NAV2: variants seen among roughly 807,000 people sequenced by gnomAD.
NAV2 encodes the protein neuron navigator 2.
In NAV2, 54 loss-of-function variants were observed where a neutral mutation model predicts 223.2. The observed-to-expected ratio is 0.24, with a 90% CI of 0.19 to 0.30. The LOEUF is 0.30. Among genes scored for constraint, NAV2 ranks in the 10% least tolerant of loss-of-function variants. The pLI is 1.00. For synonymous variants in NAV2, 1,279 were observed against 1,239.3 expected (o/e 1.03, Z -0.67); for missense variants, 2,806 against 3,147.5 (o/e 0.89, Z 2.60).
chr11:20,064,655 C>T (rs543037601), intron 20 of NAV2, among the ~76,000 whole-genome samples: 53 of 152,252 alleles, frequency 3.5e-4, no homozygotes, highest in African/African-American at 1.2e-3. Flanking sequence ...CAGTAAAAGA[C>T]TCTCCTTCAG....
chr11:19,610,139 G>A (rs1409619201), intron 1 of NAV2, among the ~76,000 whole-genome samples: 2 of 152,188 alleles, frequency 1.3e-5, no homozygotes, highest in African/African-American at 4.8e-5. Context: ...AGGCTCATGG[G>A]TGGGGGTGAC....
chr11:19,388,706 A>G (rs573798592), intron 1 of NAV2, among the ~76,000 whole-genome samples: 9 of 152,278 alleles, frequency 5.9e-5, no homozygotes, highest in African/African-American at 2.2e-4. Context: ...TACGCTGGGC[A>G]AGATAATATC....
At chr11:19,798,303 C>T (rs971202950) in intron 1 of NAV2, among the ~76,000 whole-genome samples, 5 of 152,172 alleles carry the variant, frequency 3.3e-5, no homozygotes, top group Middle Eastern at 3.2e-3. Flanking sequence ...ACTGCTTGAC[C>T]GCTCCAACTT....
intron 10 of NAV2, among the ~76,000 whole-genome samples, chr11:19,949,835 G>A (rs2047239280): frequency 6.6e-6 from 1 of 152,176 alleles, no homozygotes; most frequent in Admixed American, 6.5e-5. Context: ...GTGTATAATA[G>A]GAGCTCATAA....
intron 1 of NAV2, among the ~76,000 whole-genome samples, chr11:19,566,242 T>TG (rs1262607076): frequency 2.6e-5 from 4 of 151,794 alleles, no homozygotes; most frequent in African/African-American, 4.8e-5. Flanking sequence ...GGCTAATTTT[T>TG]TTTGTTGTTG....
intron 36 of NAV2, among the ~76,000 whole-genome samples, chr11:20,112,354 G>A (rs530636275): frequency 6.6e-6 from 1 of 152,206 alleles, no homozygotes; most frequent in Non-Finnish European, 1.5e-5. Context: ...GACTGGGCCA[G>A]AGCGCAGGAC....
chr11:19,799,885 T>C (rs1408184860), intron 1 of NAV2, among the ~76,000 whole-genome samples: 1 of 152,154 alleles, frequency 6.6e-6, no homozygotes, highest in Non-Finnish European at 1.5e-5. Flanking sequence ...CTACTTTATA[T>C]GGACTTAAGT....
intron 1 of NAV2, among the ~76,000 whole-genome samples, chr11:19,379,253 C>T (rs543606623): frequency 3.3e-5 from 5 of 152,006 alleles, no homozygotes; most frequent in Admixed American, 6.6e-5. Flanking sequence ...ACACTGAGGC[C>T]CTGGTGACTG....
chr11:19,713,355 C>T lies in NAV2; in HGVS notation c.-341C>T. On this transcript the variant is annotated 5_prime_UTR_variant, in exon 1 of 38. Coordinates refer to ENST00000349880, the MANE Select transcript of NAV2 (RefSeq NM_145117.5). This position sits in a 1 kb window ranked among gnomAD's most constrained non-coding sequence, Gnocchi z 7.2. ...GACAAGTTAATATGGGCGTCCAAGC[C>T]TCTGTTTCCCAGGAGGAAATTTGCA... The T allele has an allele frequency of 8.7e-7, 1 of 1,144,572 alleles. No homozygotes were observed. The highest frequency in any genetic ancestry group is 1.1e-6 in the Non-Finnish European group (1 of 933,516). The allele number at this position is 1,144,572 out of a possible 1,614,324, so 70.9% of individuals were successfully genotyped here.
chr11:19,915,484 T>A (rs1223080660), intron 6 of NAV2, among the ~76,000 whole-genome samples: 5 of 152,248 alleles, frequency 3.3e-5, no homozygotes, highest in African/African-American at 4.8e-5. Flanking sequence ...GCTTCTGCCA[T>A]ATCCAATAGT....
chr11:19,944,122 A>G (rs112944527), intron 8 of NAV2, among the ~76,000 whole-genome samples: 3 of 152,202 alleles, frequency 2.0e-5, no homozygotes, highest in Admixed American at 6.5e-5. Context: ...AATCGCTTCA[A>G]CTGAGGAGGT....
chr11:19,379,085 G>A (rs558161041), intron 1 of NAV2, among the ~76,000 whole-genome samples: 33 of 152,192 alleles, frequency 2.2e-4, no homozygotes, highest in Non-Finnish European at 4.0e-4. Context: ...TGCTGCCAAA[G>A]CTGAGTCTTG....
intron 1 of NAV2, among the ~76,000 whole-genome samples, chr11:19,516,536 T>A (rs977995964): frequency 1.1e-4 from 16 of 152,256 alleles, no homozygotes; most frequent in South Asian, 2.1e-4. Context: ...ATCTCTTTGT[T>A]ACAAGCAAAA....
At chr11:19,819,021 C>T (rs994824002) in intron 1 of NAV2, among the ~76,000 whole-genome samples, 6 of 152,196 alleles carry the variant, frequency 3.9e-5, no homozygotes, top group African/African-American at 1.4e-4. Context: ...AGATCTTCCT[C>T]CCTCCCTTCC....
rs202174898 is a variant in NAV2 at position 19,557,536 on chromosome 11, A to G, written c.75+206509A>G. Among the ~76,000 whole-genome samples the G allele has an allele frequency of 9.9e-5, 15 of 152,230 alleles. No homozygotes were observed. The East Asian group carries it at 2.5e-3, about 25-fold the overall frequency. On this transcript the variant is annotated intron_variant, in intron 1 of 37. Transcript: ENST00000360655. Reference sequence around the variant, plus strand: ...GATGGTACTCTAGGCTCTGAATGAGAAAACTGGAACTTCTGGTTGCCACAA... The same window carrying G: ...GATGGTACTCTAGGCTCTGAATGAGGAAACTGGAACTTCTGGTTGCCACAA...
chr11:19,381,280 A>C (rs947719093), intron 1 of NAV2, among the ~76,000 whole-genome samples: 2 of 152,200 alleles, frequency 1.3e-5, no homozygotes, highest in South Asian at 2.1e-4. Flanking sequence ...AGCTTTGTGA[A>C]GGCAGGACTA....
At chr11:20,098,183 G>A (rs2061405625) in intron 31 of NAV2, among the ~76,000 whole-genome samples, 3 of 152,100 alleles carry the variant, frequency 2.0e-5, no homozygotes, top group Non-Finnish European at 2.9e-5. Flanking sequence ...GATGCTGCTA[G>A]AGCTTCCAGT....
At chr11:19,911,762 C>T (rs1591200070) in intron 6 of NAV2, among the ~76,000 whole-genome samples, 1 of 152,088 alleles carries the variant, frequency 6.6e-6, no homozygotes, top group East Asian at 1.9e-4. Flanking sequence ...GCAGCAAAGG[C>T]GGAAAGACTC....
rs1483993649 is a variant in NAV2, at chr11:19,779,351, T to C, written c.268-53133T>C. ...GAAGAGGCATGACTGGGTCTTGGCG[T>C]CCAGATAGCCTCAGATATCCTCAGT... On this transcript the variant is annotated intron_variant, in intron 1 of 37. Coordinates refer to ENST00000349880, the MANE Select transcript of NAV2 (RefSeq NM_145117.5). Among the ~76,000 whole-genome samples the C allele has an allele frequency of 2.0e-5, 3 of 152,244 alleles. No homozygotes were observed. The South Asian group carries it at 6.2e-4, about 31-fold the overall frequency.
Sources: allele counts gnomAD v4.1 joint callset (sites outside exome capture counted in the v4.1 genomes callset), GRCh38; gene constraint gnomAD v4.1.1; non-coding constraint Gnocchi (gnomAD v3.1); transcripts MANE v1.5; gene names NCBI Gene and HGNC (gene_info 2026-07-23, HGNC 2026-07-21).